FAM227B: variants seen among roughly 807,000 people sequenced by gnomAD.
FAM227B encodes protein FAM227B.
A neutral mutation model predicts 73.8 loss-of-function variants in FAM227B; 88 were observed. The ratio of observed to expected loss-of-function variants is 1.19; its 90% confidence interval spans 1.00 to 1.42. The LOEUF (loss-of-function observed/expected upper bound fraction) is 1.42, where lower values mean the gene tolerates loss of function less well. FAM227B is among the 40% of genes most tolerant of loss of function. FAM227B has a pLI of 0.00. For missense variants in FAM227B, 632 were observed against 590.9 expected, an observed-to-expected ratio of 1.07 and a Z score of -0.72; for synonymous variants, 210 against 190.5, an observed-to-expected ratio of 1.10 and a Z score of -0.84.
intron 9 of FAM227B, among the ~76,000 whole-genome samples, chr15:49,547,025 C>T (rs934670290): frequency 4.6e-5 from 7 of 152,086 alleles, no homozygotes; most frequent in Non-Finnish European, 7.4e-5. Context: ...TAAGGGCAGC[C>T]AGAGAGAAAG....
chr15:49,503,607 T>C (rs1244028178), intron 11 of FAM227B, among the ~76,000 whole-genome samples: 3 of 151,982 alleles, frequency 2.0e-5, no homozygotes, highest in African/African-American at 4.8e-5. Context: ...CATCAAAAAG[T>C]GGGCAAAGGA....
chr15:49,520,416 CA>C, intron 10 of FAM227B, among the ~76,000 whole-genome samples: 1 of 152,288 alleles, frequency 6.6e-6, no homozygotes, highest in South Asian at 2.1e-4. Flanking sequence ...AAGTTGCTTC[CA>C]CATTTTTGCG....
chr15:49,400,643 CA>C (rs2048070119), intron 11 of FAM227B, among the ~76,000 whole-genome samples: 1 of 124,976 alleles, frequency 8.0e-6, no homozygotes, highest in Admixed American at 7.8e-5. Flanking sequence ...GTACTGGTAC[CA>C]AAACAGAGAT....
chr15:49,330,758 AGAG>A (rs1567081727), intron 15 of FAM227B: 1 of 149,302 alleles, frequency 6.7e-6, no homozygotes, highest in African/African-American at 2.5e-5. Flanking sequence ...AAAAAAAAAA[AGAG>A]AGAAAGAATG....
intron 11 of FAM227B, among the ~76,000 whole-genome samples, chr15:49,442,224 T>A (rs1274243988): frequency 6.6e-6 from 1 of 151,708 alleles, no homozygotes; most frequent in African/African-American, 2.4e-5. Flanking sequence ...GCCAATCTAT[T>A]CACTATTTTT....
chr15:49,577,428 C>CA (rs2075525631), intron 6 of FAM227B: 1 of 463,876 alleles, frequency 2.2e-6, no homozygotes, highest in Admixed American at 4.0e-5. Context: ...GATATAAACT[C>CA]AAATGATCAA....
intron 11 of FAM227B, among the ~76,000 whole-genome samples, chr15:49,475,269 T>C (rs1261654223): frequency 6.6e-6 from 1 of 152,152 alleles, no homozygotes; most frequent in Non-Finnish European, 1.5e-5. Flanking sequence ...AGTTTATTCA[T>C]GAGTTTGAAG....
In FAM227B at chr15:49,458,917, G is replaced by A. The variant is rs542637403; in HGVS notation, c.1012+49294C>T. On this transcript the variant is annotated intron_variant, in intron 11 of 15. Transcript: ENST00000299338. The stretch of plus-strand genomic sequence containing the variant: ...ACTCTATTTAGTAATTATTTTTTAC[G>A]AGACTAGTTGATAAAAATGACCACT... Among the ~76,000 whole-genome samples, 43 of 151,922 alleles carry A rather than the reference G, an allele frequency of 2.8e-4. 1 individual carries two copies. Among genetic ancestry groups the A allele is most frequent in the African/African-American group, 8.2e-4 (34 of 41,440 alleles).
chr15:49,351,172 A>C (rs2042192010), intron 13 of FAM227B, among the ~76,000 whole-genome samples: 1 of 152,202 alleles, frequency 6.6e-6, no homozygotes, highest in Non-Finnish European at 1.5e-5. Context: ...GTAGAGAAAT[A>C]AGAACTGCAT....
chr15:49,422,145 AGTGTGT>A (rs1555477439), intron 11 of FAM227B, among the ~76,000 whole-genome samples: 7 of 139,920 alleles, frequency 5.0e-5, no homozygotes, highest in African/African-American at 1.5e-4. Context: ...AGAGAGAGAG[AGTGTGT>A]GTGTGTGTGT....
At chr15:49,379,854 C>T (rs2046408663) in intron 11 of FAM227B, among the ~76,000 whole-genome samples, 1 of 152,190 alleles carries the variant, frequency 6.6e-6, no homozygotes, top group African/African-American at 2.4e-5. Flanking sequence ...CGGCACAGCA[C>T]TGGGTCTTGC....
At position 49,534,062 on chromosome 15, in the gene FAM227B, A is replaced by G. The variant is rs549987392; in HGVS notation, c.874+7618T>C. ...TGTAGGTTTTTACTTTGTAGTTACC[A>G]TGTGACTTACATAAATCCTATTATA... On this transcript the variant is annotated intron_variant, in intron 10 of 15. Coordinates refer to ENST00000299338, the MANE Select transcript of FAM227B (RefSeq NM_152647.3). Among the ~76,000 whole-genome samples the G allele has an allele frequency of 3.9e-5, 6 of 151,900 alleles. No homozygotes were observed. The East Asian group carries it at 1.2e-3, about 29-fold the overall frequency.
intron 9 of FAM227B, among the ~76,000 whole-genome samples, chr15:49,559,563 CA>C (rs1292933278): frequency 1.3e-5 from 2 of 151,988 alleles, no homozygotes; most frequent in Non-Finnish European, 2.9e-5. Flanking sequence ...GAAGCAAAGC[CA>C]AAACACCATA....
intron 12 of FAM227B, among the ~76,000 whole-genome samples, chr15:49,369,115 C>T (rs1351788467): frequency 7.0e-6 from 1 of 142,864 alleles, no homozygotes; most frequent in South Asian, 2.3e-4. Context: ...TCCACCACCA[C>T]GCCTGGCTAA....
intron 13 of FAM227B, among the ~76,000 whole-genome samples, chr15:49,348,035 A>AG (rs1807113292): frequency 6.6e-6 from 1 of 151,802 alleles, no homozygotes; most frequent in African/African-American, 2.4e-5. Context: ...AAAAAAAAAA[A>AG]AAAAAAAGGC....
chr15:49,618,865 G>C, intron 1 of FAM227B, among the ~76,000 whole-genome samples: 1 of 152,186 alleles, frequency 6.6e-6, no homozygotes, highest in East Asian at 1.9e-4. Context: ...GGGTACTACA[G>C]GGTTTTCTTT....
intron 8 of FAM227B, among the ~76,000 whole-genome samples, chr15:49,573,231 G>C (rs2075233415): frequency 1.2e-5 from 1 of 81,706 alleles, no homozygotes; most frequent in East Asian, 9.0e-4. Flanking sequence ...AATATTTGGG[G>C]ATTTTCTAGA....
At chr15:49,389,246 C>A (rs1468155609) in intron 11 of FAM227B, among the ~76,000 whole-genome samples, 1 of 151,926 alleles carries the variant, frequency 6.6e-6, no homozygotes, top group Non-Finnish European at 1.5e-5. Flanking sequence ...AACCTAAGTA[C>A]CCATCAACTA....
At chr15:49,570,887 TTTA>T (rs991136711) in intron 8 of FAM227B, among the ~76,000 whole-genome samples, 5 of 147,620 alleles carry the variant, frequency 3.4e-5, no homozygotes, top group South Asian at 2.1e-4. Context: ...ATTTATATAA[TTTA>T]TTAATATTAT....
Sources: allele counts gnomAD v4.1 joint callset (sites outside exome capture counted in the v4.1 genomes callset), GRCh38; gene constraint gnomAD v4.1.1; transcripts MANE v1.5; gene names NCBI Gene and HGNC (gene_info 2026-07-23, HGNC 2026-07-21).